Variants in NBEAL1 observed in about 807,000 individuals in gnomAD.
NBEAL1 encodes the protein neurobeachin-like protein 1.
NBEAL1 carries 273 observed loss-of-function variants against 351.3 expected under a neutral mutation model. The ratio of observed to expected loss-of-function variants is 0.78; its 90% CI spans 0.70 to 0.86. NBEAL1 has a LOEUF of 0.86. Ranked by LOEUF, NBEAL1 falls within the 40% of genes least tolerant of loss-of-function variation. The pLI, the probability that NBEAL1 is intolerant of heterozygous loss-of-function variation, is 0.00. For synonymous variants in NBEAL1, 1,050 were observed against 1,086.4 expected (o/e 0.97, Z 0.66); for missense variants, 2,961 against 3,201.3 (o/e 0.92, Z 1.81).
chr2:203,125,430 A>G lies in NBEAL1; in HGVS notation c.2761A>G (p.Ile921Val), dbSNP rs914850398. 2 of 1,548,106 alleles carry G rather than the reference A, an allele frequency of 1.3e-6. No individual in the cohort carries two copies. Among genetic ancestry groups the G allele is most frequent in the Middle Eastern group, 3.3e-4 (2 of 5,978 alleles). ...EQISHFSEGQ[I>V]PEEKNESTVP... Reference sequence around the variant, plus strand: ...AATCAGCCACTTTAGTGAAGGACAGATTCCTGAAGAAAAGAATGAAAGCAC... The same window carrying G: ...AATCAGCCACTTTAGTGAAGGACAGGTTCCTGAAGAAAAGAATGAAAGCAC... The change falls in exon 20 of 56, where the codon ATT becomes GTT. Residue 921 changes from isoleucine (I) to valine (V), a missense_variant. By Grantham distance (29) the Ile-to-Val change is conservative. Coordinates refer to ENST00000683969, the MANE Select transcript of NBEAL1 (RefSeq NM_001378026.1).
intron 38 of NBEAL1, among the ~76,000 whole-genome samples, chr2:203,167,772 C>A (rs2064181374): frequency 6.6e-6 from 1 of 152,158 alleles, no homozygotes; most frequent in Admixed American, 6.5e-5. Flanking sequence ...TTACCAGGGT[C>A]CGTGTACTGT....
At chr2:203,046,673 G>C (rs1447407889) in intron 3 of NBEAL1, among the ~76,000 whole-genome samples, 1 of 152,148 alleles carries the variant, frequency 6.6e-6, no homozygotes, top group African/African-American at 2.4e-5. Flanking sequence ...CTCACACAGA[G>C]GAAGGGGCAG....
chr2:203,075,522 G>A (rs546536131), intron 7 of NBEAL1, among the ~76,000 whole-genome samples: 4 of 152,232 alleles, frequency 2.6e-5, no homozygotes, highest in South Asian at 4.1e-4. Flanking sequence ...GTTTTTTGCC[G>A]ATCTTGTGGG....
intron 46 of NBEAL1, among the ~76,000 whole-genome samples, chr2:203,192,121 A>C (rs1185610110): frequency 6.6e-6 from 1 of 152,190 alleles, no homozygotes; most frequent in Non-Finnish European, 1.5e-5. Flanking sequence ...GTTTGCTCGG[A>C]ACCTCCAACA....
chr2:203,145,694 G>A (rs1049373879), intron 33 of NBEAL1, among the ~76,000 whole-genome samples: 5 of 151,172 alleles, frequency 3.3e-5, no homozygotes, highest in African/African-American at 4.9e-5. Flanking sequence ...GCTACTAAGG[G>A]GGCTGGGGCA....
In NBEAL1 at chr2:203,112,012, A is replaced by G; in HGVS notation, c.2116A>G (p.Arg706Gly). 1 of 1,551,578 alleles carries G rather than the reference A, an allele frequency of 6.4e-7. No homozygotes were observed. The highest frequency in any genetic ancestry group is 1.2e-5 in the South Asian group (1 of 83,842). Residue 706 changes from arginine (R) to glycine (G), a missense_variant, in exon 16 of 56, where the codon AGG (arginine) becomes GGG (glycine). Transcript: ENST00000683969. Reference protein sequence around the residue: ...NITVVHMPGKRPFGQSFVYIY... With the variant: ...NITVVHMPGKGPFGQSFVYIY... ...AACTGTTGTCCACATGCCTGGAAAA[A>G]GGCCTTTTGGTCAGAGCTTCGTCTA...
intron 18 of NBEAL1, among the ~76,000 whole-genome samples, 172 bp from the exon 19 acceptor site, chr2:203,122,082 G>A (rs996373494): frequency 2.6e-5 from 4 of 152,036 alleles, no homozygotes; most frequent in South Asian, 2.1e-4. Context: ...CACCACGCCC[G>A]GCCCTGATTC....
chr2:203,062,153 T>A lies in NBEAL1; in HGVS notation c.515+4700T>A. 1 of 406,676 alleles carries A rather than the reference T, an allele frequency of 2.5e-6. No individual in the cohort carries two copies. Among genetic ancestry groups the A allele is most frequent in the Non-Finnish European group, 4.8e-6 (1 of 207,278 alleles). The allele number at this position is 406,676 out of a possible 1,614,324, so 25.2% of individuals were successfully genotyped here. ...TTCAGATTAAGATTTGAATTCTGGC[T>A]GAAGGTTTCTCCACCTTGACTATTT... On this transcript the variant is annotated intron_variant, in intron 6 of 55. Transcript: ENST00000683969. The surrounding 1 kb of genome is among the most constrained non-coding windows in gnomAD (Gnocchi z 4.2).
intron 2 of NBEAL1, among the ~76,000 whole-genome samples, chr2:203,017,356 T>G (rs1422109305): frequency 6.6e-6 from 1 of 152,216 alleles, no homozygotes; most frequent in Non-Finnish European, 1.5e-5. Context: ...GTGGTCTCAT[T>G]TATCTGTCAT....
At chr2:203,108,692 C>T (rs2062495408) in intron 14 of NBEAL1, among the ~76,000 whole-genome samples, 2 of 152,128 alleles carry the variant, frequency 1.3e-5, no homozygotes, top group Admixed American at 6.6e-5. Flanking sequence ...CTTGAGCCAC[C>T]GCACCCAGCC....
chr2:203,145,540 G>C (rs952145678), intron 33 of NBEAL1, among the ~76,000 whole-genome samples: 4 of 152,168 alleles, frequency 2.6e-5, no homozygotes, highest in Non-Finnish European at 5.9e-5. Flanking sequence ...GCTCACACGT[G>C]TAATCCCCAC....
intron 6 of NBEAL1, among the ~76,000 whole-genome samples, chr2:203,066,631 G>A (rs370324361): frequency 1.5e-4 from 23 of 152,258 alleles, no homozygotes; most frequent in East Asian, 9.6e-4. Flanking sequence ...GGGACGGGGC[G>A]GCCTGGCAGA....
Position 203,133,099 on chromosome 2 carries a change from A to G in NBEAL1, c.3766A>G (p.Ile1256Val), listed in dbSNP as rs1360859716. 3.3e-6 allele frequency: 5 copies of G among 1,520,474 alleles called. No individual in the cohort carries two copies. The highest frequency in any genetic ancestry group is 2.0e-5 in the Admixed American group (1 of 48,916). The allele number at this position is 1,520,474 out of a possible 1,614,324, so 94.2% of individuals were successfully genotyped here. ...NFKDLLSVVY[I>V]SHRAHINVRV... ...CAAAGATCTACTATCTGTGGTATAT[A>G]TATCTCACAGAGCACATATAAATGT... The change falls in exon 27 of 56, where the codon ATA (isoleucine) becomes GTA (valine). Residue 1256 changes from isoleucine (I) to valine (V), a missense_variant. Transcript: ENST00000683969.
rs536528945 is a variant in NBEAL1, at chr2:203,034,960, G to T, written c.52-6805G>T. Reference sequence around the variant, plus strand: ...TTAAGTTAGGAACTGCCCATCATATGATTGAAATATTTATATGCATCTAGA... The same window carrying T: ...TTAAGTTAGGAACTGCCCATCATATTATTGAAATATTTATATGCATCTAGA... On this transcript the variant is annotated intron_variant, in intron 2 of 55. Transcript: ENST00000683969. 2.2e-4 allele frequency among the ~76,000 whole-genome samples: 33 copies of T among 149,418 alleles called. 2 individuals carry two copies. The highest frequency in any genetic ancestry group is 1.0e-3 in the Admixed American group (15 of 14,842).
chr2:203,175,888 C>T (rs2064484242), intron 42 of NBEAL1, among the ~76,000 whole-genome samples: 4 of 152,176 alleles, frequency 2.6e-5, no homozygotes, highest in Non-Finnish European at 5.9e-5. Context: ...CCTACCCAAA[C>T]CAGAGCTATG....
At chr2:203,157,903 TAACACCA>T in intron 36 of NBEAL1, 78 bp downstream of exon 36, 1 of 1,176,950 alleles carries the variant, frequency 8.5e-7, no homozygotes, top group Non-Finnish European at 1.1e-6. Flanking sequence ...CTTGAAATTC[TAACACCA>T]TGTATTTCCA....
chr2:203,067,848 G>C (rs2061619623), intron 6 of NBEAL1, among the ~76,000 whole-genome samples: 1 of 152,152 alleles, frequency 6.6e-6, no homozygotes, highest in South Asian at 2.1e-4. Flanking sequence ...CATGCAATTT[G>C]TATTGGCTTT....
intron 3 of NBEAL1, among the ~76,000 whole-genome samples, chr2:203,049,403 T>G (rs1387261623): frequency 2.0e-5 from 3 of 152,296 alleles, no homozygotes; most frequent in Middle Eastern, 6.8e-3. Context: ...CATTTTTACT[T>G]TACAGTTATT....
At chr2:203,043,231 A>G (rs1337142720) in intron 3 of NBEAL1, among the ~76,000 whole-genome samples, 1 of 152,196 alleles carries the variant, frequency 6.6e-6, no homozygotes, top group African/African-American at 2.4e-5. Flanking sequence ...ATTCAAATTT[A>G]TGGAAAAGTA....
Sources: allele counts gnomAD v4.1 joint callset (sites outside exome capture counted in the v4.1 genomes callset), GRCh38; gene constraint gnomAD v4.1.1; non-coding constraint Gnocchi (gnomAD v3.1); transcripts MANE v1.5; gene names NCBI Gene and HGNC (gene_info 2026-07-23, HGNC 2026-07-21).